Variants in CATSPERB observed in about 807,000 individuals in gnomAD.
CATSPERB encodes catsper channel auxiliary subunit beta.
A neutral mutation model predicts 128.3 loss-of-function variants in CATSPERB; 93 were observed. The ratio of observed to expected loss-of-function variants is 0.72; its 90% CI spans 0.61 to 0.86. The LOEUF (loss-of-function observed/expected upper bound fraction) is 0.86. Among genes scored for constraint, CATSPERB ranks in the 40% least tolerant of loss-of-function variants. The probability of loss-of-function intolerance (pLI) is 0.00; values close to 1 mark genes in which losing one functional copy is unlikely to be tolerated. For synonymous variants in CATSPERB, 381 were observed against 448.8 expected, an observed-to-expected ratio of 0.85 and a Z score of 1.91; for missense variants, 1,153 against 1,329.5, an observed-to-expected ratio of 0.87 and a Z score of 2.06.
intron 26 of CATSPERB, among the ~76,000 whole-genome samples, chr14:91,583,301 C>T (rs905794851): frequency 1.2e-4 from 18 of 150,870 alleles, no homozygotes; most frequent in Non-Finnish European, 2.5e-4. Context: ...TGCCTGTAGT[C>T]CCCGCTACTC....
intron 13 of CATSPERB, among the ~76,000 whole-genome samples, chr14:91,670,227 G>T (rs1895064088): frequency 6.6e-6 from 1 of 152,126 alleles, no homozygotes; most frequent in Non-Finnish European, 1.5e-5. Context: ...GCAAAGAGAG[G>T]TTTATTATAG....
chr14:91,607,984 G>A (rs1386502851), intron 22 of CATSPERB, among the ~76,000 whole-genome samples: 2 of 152,136 alleles, frequency 1.3e-5, no homozygotes, highest in Non-Finnish European at 2.9e-5. Context: ...ACATCATTCC[G>A]TTCACAGAGC....
rs1483942837 is a variant in CATSPERB at position 91,643,967 on chromosome 14, G to A, written c.1433-4717C>T. Among the ~76,000 whole-genome samples the A allele has an allele frequency of 1.5e-5, 2 of 137,208 alleles. 1 individual carries two copies. The highest frequency in any genetic ancestry group is 3.2e-5 in the Non-Finnish European group (2 of 62,414). 90.0% of individuals were successfully genotyped at this position (137,208 alleles called of 152,430 possible). ...TTGATCCCTTTACCATTATGTAATGGCCTTCTTTGTCTCTTTTGATCCTTG... is the reference window on the plus strand; with the variant it reads ...TTGATCCCTTTACCATTATGTAATGACCTTCTTTGTCTCTTTTGATCCTTG... On this transcript the variant is annotated intron_variant, in intron 15 of 26. Coordinates refer to ENST00000256343, the MANE Select transcript of CATSPERB (RefSeq NM_024764.4).
At chr14:91,710,748 A>T (rs1895825210) in intron 5 of CATSPERB, 1 of 152,150 alleles carries the variant, frequency 6.6e-6, no homozygotes, top group South Asian at 2.1e-4. Context: ...CAGTGGCTGA[A>T]TGTTTATTTC....
chr14:91,682,185 A>G (rs1426261173), intron 11 of CATSPERB, among the ~76,000 whole-genome samples: 1 of 152,158 alleles, frequency 6.6e-6, no homozygotes, highest in Non-Finnish European at 1.5e-5. Flanking sequence ...GTATGGGGCA[A>G]TTCACCCATT....
intron 4 of CATSPERB, among the ~76,000 whole-genome samples, chr14:91,719,904 A>T (rs1336830806): frequency 6.6e-6 from 1 of 152,204 alleles, no homozygotes; most frequent in Non-Finnish European, 1.5e-5. Flanking sequence ...TGAGATTTAA[A>T]TATAAACTGT....
chr14:91,674,273 A>G, intron 11 of CATSPERB, 51 bp from the exon 12 acceptor site: 1 of 1,142,522 alleles, frequency 8.8e-7, no homozygotes, highest in Non-Finnish European at 1.3e-6. Flanking sequence ...CTGTATTTCT[A>G]AAACTGGAAG....
At chr14:91,624,355 G>T (rs539478491) in intron 18 of CATSPERB, among the ~76,000 whole-genome samples, 1 of 152,320 alleles carries the variant, frequency 6.6e-6, no homozygotes, top group African/African-American at 2.4e-5. Context: ...GTGGCAGCAT[G>T]CGCCTGCAAT....
At chr14:91,604,796 G>T in intron 22 of CATSPERB, 1 of 1,609,116 alleles carries the variant, frequency 6.2e-7, no homozygotes, top group South Asian at 1.1e-5. Context: ...GTAGAGGCTG[G>T]GGTAGGTAGG....
intron 11 of CATSPERB, among the ~76,000 whole-genome samples, chr14:91,680,986 G>A (rs767840979): frequency 6.6e-6 from 1 of 152,064 alleles, no homozygotes; most frequent in African/African-American, 2.4e-5. Flanking sequence ...GTTCTTTATG[G>A]CAATAAGCTA....
intron 6 of CATSPERB, among the ~76,000 whole-genome samples, chr14:91,706,443 T>C (rs1895734106): frequency 6.6e-6 from 1 of 152,206 alleles, no homozygotes. Flanking sequence ...AGTCAGGTAG[T>C]ATATCTTAAG....
chr14:91,664,982 C>A (rs898004685), intron 14 of CATSPERB, among the ~76,000 whole-genome samples: 2 of 152,172 alleles, frequency 1.3e-5, no homozygotes, highest in Admixed American at 1.3e-4. Context: ...CTCTACCTCC[C>A]AGGCTCAAGG....
intron 15 of CATSPERB, among the ~76,000 whole-genome samples, chr14:91,658,289 A>G (rs1320393193): frequency 3.3e-5 from 5 of 152,176 alleles, no homozygotes. Flanking sequence ...GGACAGAAGG[A>G]CAGAGTTTGC....
At position 91,714,716 on chromosome 14, in the gene CATSPERB, C is replaced by T. The variant is rs184943522; in HGVS notation, c.370+4702G>A. ...TTGAGATTACAGGTGCCCTCCACTG[C>T]GCCCGGCTAATTTTTGTATTTTTAG... On this transcript the variant is annotated intron_variant, in intron 5 of 26. Transcript: ENST00000256343. 5.5e-3 allele frequency among the ~76,000 whole-genome samples: 835 copies of T among 151,946 alleles called. 6 individuals are homozygous for T. Among genetic ancestry groups the T allele is most frequent in the Middle Eastern group, 0.054 (16 of 294 alleles).
At chr14:91,610,764 C>A in intron 20 of CATSPERB, 87 bp from the exon 21 acceptor site, 2 of 1,213,120 alleles carry the variant, frequency 1.6e-6, no homozygotes, top group Non-Finnish European at 2.3e-6. Context: ...GTTGAAACCC[C>A]AACCTCCAGT....
chr14:91,712,930 G>A (rs964627342), intron 5 of CATSPERB, among the ~76,000 whole-genome samples: 1 of 152,200 alleles, frequency 6.6e-6, no homozygotes, highest in African/African-American at 2.4e-5. Context: ...ACTCCACACA[G>A]ACAGTGGCCC....
At position 91,723,184 on chromosome 14, in the gene CATSPERB, G is replaced by A. The variant is rs1896063107; in HGVS notation, c.174C>T (p.Ile58=). 5 of 1,447,146 alleles carry A rather than the reference G, an allele frequency of 3.5e-6. No homozygotes were observed. The East Asian group carries it at 7.8e-5, about 22-fold the overall frequency. The allele number at this position is 1,447,146 out of a possible 1,614,324, so 89.6% of individuals were successfully genotyped here. A position where few individuals can be genotyped will look rare whatever the true frequency, so the allele number is the denominator to read the frequency against. Residue 58 remains isoleucine (I), a synonymous_variant, in exon 4 of 27, where the codon ATC becomes ATT. Transcript: ENST00000256343. Reference sequence around the variant, plus strand: ...CATTTTCAGTTTGGAAGAAACACTGGATTTTCTTTAGGAAAGCAAGAAAAA... The same window carrying A: ...CATTTTCAGTTTGGAAGAAACACTGAATTTTCTTTAGGAAAGCAAGAAAAA... The part of the protein sequence containing the change: ...KLYLFLENLK[I]QCFFQTENEI...
chr14:91,626,882 A>G (rs575651732), intron 17 of CATSPERB, among the ~76,000 whole-genome samples: 2 of 152,258 alleles, frequency 1.3e-5, no homozygotes, highest in Non-Finnish European at 2.9e-5. Context: ...GACACAATCC[A>G]TGAAAGAGAA....
rs1337745184 is a variant in CATSPERB, at chr14:91,608,386, A to T, written c.2617T>A (p.Ser873Thr). ...AGTGGAATAGCAATTCCCATATTAG[A>T]TGGAGGCCTGTAGTTTATCTGCAAG... ...KTLPINYRPPSNMGIAIPLTD... is the reference protein window; with the variant it reads ...KTLPINYRPPTNMGIAIPLTD... Residue 873 changes from serine to threonine, a missense_variant, in exon 22 of 27, where the codon TCT (serine) becomes ACT (threonine). Coordinates refer to ENST00000256343, the MANE Select transcript of CATSPERB (RefSeq NM_024764.4). 2 of 1,599,234 alleles carry T rather than the reference A, an allele frequency of 1.3e-6. No homozygotes were observed. The highest frequency in any genetic ancestry group is 1.3e-5 in the African/African-American group (1 of 74,612).
Sources: allele counts gnomAD v4.1 joint callset (sites outside exome capture counted in the v4.1 genomes callset), GRCh38; gene constraint gnomAD v4.1.1; transcripts MANE v1.5; gene names NCBI Gene and HGNC (gene_info 2026-07-23, HGNC 2026-07-21).